BAZ2B: variants seen among roughly 807,000 people sequenced by gnomAD.
BAZ2B encodes bromodomain adjacent to zinc finger domain 2B.
Under a neutral mutation model 246.0 loss-of-function variants are expected in BAZ2B, and 91 were observed. That is an observed-to-expected ratio of 0.37 (90% CI 0.31 to 0.44). The LOEUF (loss-of-function observed/expected upper bound fraction) is 0.44. BAZ2B is among the 20% of genes least tolerant of loss of function. The pLI is 1.00. For synonymous variants in BAZ2B, 855 were observed against 860.0 expected, an observed-to-expected ratio of 0.99 and a Z score of 0.10; for missense variants, 2,332 against 2,533.7, an observed-to-expected ratio of 0.92 and a Z score of 1.71.
intron 2 of BAZ2B, among the ~76,000 whole-genome samples, chr2:159,502,254 T>A (rs2081923789): frequency 6.6e-6 from 1 of 151,980 alleles, no homozygotes; most frequent in Non-Finnish European, 1.5e-5. Flanking sequence ...CACAACTCTG[T>A]GAATACACTA....
the BAZ2B span, among the ~76,000 whole-genome samples, chr2:159,655,532 T>C: frequency 1.3e-5 from 2 of 152,200 alleles, no homozygotes; most frequent in Admixed American, 1.3e-4. Flanking sequence ...TTTGTTGAGC[T>C]TCTTGAATCT....
At chr2:159,640,805 T>C in the BAZ2B span, among the ~76,000 whole-genome samples, 5 of 149,868 alleles carry the variant, frequency 3.3e-5, no homozygotes, top group African/African-American at 1.2e-4. Context: ...AAGCTCAGCA[T>C]CATAAGACAG....
intron 27 of BAZ2B, among the ~76,000 whole-genome samples, chr2:159,371,464 A>T (rs12468969): frequency 0.81 from 123,688 of 152,158 alleles, 51,081 homozygotes; most frequent in Non-Finnish European, 0.9. Flanking sequence ...CTATTGGGAA[A>T]TAAGCCATTA....
chr2:159,454,388 A>G (rs1577217048), intron 3 of BAZ2B, among the ~76,000 whole-genome samples: 5 of 152,308 alleles, frequency 3.3e-5, no homozygotes, highest in African/African-American at 1.2e-4. Flanking sequence ...AACATTGTAC[A>G]GTGTACTTAC....
At chr2:159,520,670 A>C (rs964500424) in intron 2 of BAZ2B, among the ~76,000 whole-genome samples, 8 of 152,146 alleles carry the variant, frequency 5.3e-5, no homozygotes, top group African/African-American at 1.7e-4. Flanking sequence ...CAGAAGGCAA[A>C]TTTTTACCAT....
At chr2:159,368,820 C>A (rs1189887595) in intron 27 of BAZ2B, among the ~76,000 whole-genome samples, 2 of 130,278 alleles carry the variant, frequency 1.5e-5, no homozygotes. Flanking sequence ...AAATGGAGGT[C>A]TAATATGTAA....
intron 23 of BAZ2B, 150 bp downstream of exon 23, chr2:159,385,005 C>A: frequency 1.3e-6 from 1 of 753,868 alleles, no homozygotes; most frequent in South Asian, 2.2e-5. Flanking sequence ...TTATTAGTGG[C>A]CATCTCTAAA....
At chr2:159,547,091 T>G (rs2087460223) in intron 2 of BAZ2B, among the ~76,000 whole-genome samples, 1 of 152,034 alleles carries the variant, frequency 6.6e-6, no homozygotes, top group Non-Finnish European at 1.5e-5. Flanking sequence ...AAATCGTAAA[T>G]TTTATGAACA....
At chr2:159,610,849 T>TAAA (rs957358713) in intron 1 of BAZ2B, among the ~76,000 whole-genome samples, 3 of 152,102 alleles carry the variant, frequency 2.0e-5, no homozygotes, top group Non-Finnish European at 4.4e-5. Context: ...CATATTCTTA[T>TAAA]AAAACCCTAT....
intron 2 of BAZ2B, among the ~76,000 whole-genome samples, chr2:159,507,586 C>T (rs762273984): frequency 3.3e-5 from 5 of 151,852 alleles, no homozygotes; most frequent in Admixed American, 6.6e-5. Flanking sequence ...AATATGACTT[C>T]GGAAAATTTG....
the BAZ2B span, among the ~76,000 whole-genome samples, chr2:159,668,116 T>A: frequency 1.3e-5 from 2 of 152,288 alleles, no homozygotes; most frequent in Middle Eastern, 6.8e-3. Flanking sequence ...TTATATTTAT[T>A]CCTATTTTTC....
At chr2:159,370,618 C>T (rs984038639) in intron 27 of BAZ2B, among the ~76,000 whole-genome samples, 7 of 152,024 alleles carry the variant, frequency 4.6e-5, no homozygotes, top group African/African-American at 1.5e-4. Flanking sequence ...GTGATCCGCC[C>T]GTCTCCGCCT....
chr2:159,663,245 A>G, the BAZ2B span, among the ~76,000 whole-genome samples: 1 of 146,118 alleles, frequency 6.8e-6, no homozygotes, highest in Admixed American at 7.0e-5. Context: ...ACTGTCGGCC[A>G]GGCTGGAGTG....
chr2:159,349,031 G>A lies in BAZ2B; in HGVS notation c.5113C>T (p.Pro1705Ser). The A allele has an allele frequency of 6.2e-7, 1 of 1,614,088 alleles. No individual in the cohort carries two copies. The highest frequency in any genetic ancestry group is 8.5e-7 in the Non-Finnish European group (1 of 1,179,996). ...CCTTCTGGAATAGGTTTTGGACTAG[G>A]AAAATCTACTGGTTTTGCTACTTCA... ...AVEVAKPVDFPSPKPIPEEMQ... is the reference protein window; with the variant it reads ...AVEVAKPVDFSSPKPIPEEMQ... The change falls in exon 29 of 37, where the codon CCT becomes TCT. Residue 1705 changes from proline (P) to serine (S), a missense_variant. Around this residue, in one of 9 missense-constraint regions of BAZ2B, gnomAD observed 676 missense variants for 668.6 expected, o/e 1.01. Transcript: ENST00000392783.
the BAZ2B span, among the ~76,000 whole-genome samples, chr2:159,697,528 C>T: frequency 6.6e-6 from 1 of 152,088 alleles, no homozygotes; most frequent in Non-Finnish European, 1.5e-5. Flanking sequence ...TCCATTAGGA[C>T]AATCATTTTT....
chr2:159,698,369 A>G, the BAZ2B span, among the ~76,000 whole-genome samples: 1 of 151,920 alleles, frequency 6.6e-6, no homozygotes, highest in Admixed American at 6.6e-5. Context: ...AAAAAATAAA[A>G]AATTAGCTGG....
intron 35 of BAZ2B, among the ~76,000 whole-genome samples, chr2:159,325,269 T>C (rs2063548503): frequency 6.7e-6 from 1 of 148,260 alleles, no homozygotes; most frequent in African/African-American, 2.5e-5. Flanking sequence ...TAGCTGGGAT[T>C]ATGGGTGCAC....
chr2:159,603,641 A>C (rs1692708726), intron 1 of BAZ2B, among the ~76,000 whole-genome samples: 1 of 151,970 alleles, frequency 6.6e-6, no homozygotes, highest in Non-Finnish European at 1.5e-5. Context: ...TCCTTCCCAG[A>C]AACTACCAAA....
chr2:159,385,864 T>C (rs188852669), intron 22 of BAZ2B, among the ~76,000 whole-genome samples: 5 of 152,244 alleles, frequency 3.3e-5, no homozygotes, highest in African/African-American at 4.8e-5. Context: ...CAATATTATC[T>C]AGAGCAAAGC....
Sources: allele counts gnomAD v4.1 joint callset (sites outside exome capture counted in the v4.1 genomes callset), GRCh38; gene constraint gnomAD v4.1.1; regional missense constraint gnomAD v4.1.1; transcripts MANE v1.5; gene names NCBI Gene and HGNC (gene_info 2026-07-23, HGNC 2026-07-21).